DIP2B: variants seen among roughly 807,000 people sequenced by gnomAD.
The protein encoded by DIP2B is DIP2 acetate--CoA ligase B (putative).
A neutral mutation model predicts 198.0 loss-of-function variants in DIP2B; 76 were observed. That is an observed-to-expected ratio of 0.38 (90% CI 0.32 to 0.46). The LOEUF is 0.46. Ranked by LOEUF, DIP2B falls within the 20% of genes least tolerant of loss-of-function variation. The probability of loss-of-function intolerance (pLI) is 0.99; values close to 1 mark genes in which losing one functional copy is unlikely to be tolerated. For missense variants in DIP2B, 1,559 were observed against 1,978.4 expected (o/e 0.79, Z 4.02); for synonymous variants, 701 against 739.1 (o/e 0.95, Z 0.84).
chr12:50,694,824 A>G (rs1939282152), intron 14 of DIP2B, among the ~76,000 whole-genome samples: 1 of 152,162 alleles, frequency 6.6e-6, no homozygotes, highest in African/African-American at 2.4e-5. Context: ...TAATTGTGAT[A>G]TAGCCAAACA....
At chr12:50,729,920 G>A (rs556142359) in intron 30 of DIP2B, among the ~76,000 whole-genome samples, 26 of 151,882 alleles carry the variant, frequency 1.7e-4, no homozygotes, top group African/African-American at 5.8e-4. Context: ...ACAGCGTTTC[G>A]TCATGTTGCC....
At chr12:50,714,710 TG>T in intron 23 of DIP2B, 114 bp downstream of exon 23, 1 of 1,291,984 alleles carries the variant, frequency 7.7e-7, no homozygotes, top group Non-Finnish European at 1.1e-6. Context: ...GAGGCCAAGG[TG>T]GGAGGGTCGT....
intron 1 of DIP2B, among the ~76,000 whole-genome samples, chr12:50,537,198 CGA>C (rs1593589295): frequency 8.0e-6 from 1 of 125,266 alleles, no homozygotes; most frequent in East Asian, 2.8e-4. Context: ...TGAGCTCAAG[CGA>C]TCCACCTGCC....
intron 4 of DIP2B, among the ~76,000 whole-genome samples, chr12:50,666,437 A>G (rs1238469205): frequency 6.6e-6 from 1 of 152,174 alleles, no homozygotes; most frequent in Non-Finnish European, 1.5e-5. Flanking sequence ...TCTCCTAGAA[A>G]GATAGGGGAA....
chr12:50,690,701 TC>T, intron 12 of DIP2B, among the ~76,000 whole-genome samples: 1 of 152,342 alleles, frequency 6.6e-6, no homozygotes, highest in East Asian at 1.9e-4. Flanking sequence ...TACATACCTT[TC>T]ACTCTGCAGT....
intron 8 of DIP2B, chr12:50,680,370 T>C (rs1939020642): frequency 4.6e-6 from 1 of 215,082 alleles, no homozygotes; most frequent in Non-Finnish European, 9.1e-6. Flanking sequence ...TTGCATCAAA[T>C]TATTTCTAAG....
intron 1 of DIP2B, among the ~76,000 whole-genome samples, chr12:50,574,059 G>A (rs971997891): frequency 1.6e-4 from 24 of 152,096 alleles, no homozygotes; most frequent in Non-Finnish European, 4.4e-5. Context: ...TGTCTTTATT[G>A]TTGGTTGGTC....
chr12:50,630,440 A>G (rs1486583466), intron 2 of DIP2B, among the ~76,000 whole-genome samples: 2 of 151,684 alleles, frequency 1.3e-5, no homozygotes, highest in Non-Finnish European at 2.9e-5. Flanking sequence ...TTTGCTTTAT[A>G]TGTTTTAAAG....
At chr12:50,644,241 A>C (rs141905749) in intron 3 of DIP2B, among the ~76,000 whole-genome samples, 4 of 152,304 alleles carry the variant, frequency 2.6e-5, no homozygotes, top group African/African-American at 9.6e-5. Context: ...CTGCACATCC[A>C]GGCATGATTC....
chr12:50,578,476 CA>C (rs1958683206), intron 1 of DIP2B, among the ~76,000 whole-genome samples: 1 of 148,358 alleles, frequency 6.7e-6, no homozygotes, highest in Non-Finnish European at 1.5e-5. Context: ...AACAATATTT[CA>C]ATAATGATAT....
At chr12:50,743,991 T>A (rs957120149) in intron 37 of DIP2B, among the ~76,000 whole-genome samples, 5 of 152,198 alleles carry the variant, frequency 3.3e-5, no homozygotes, top group Admixed American at 3.3e-4. Context: ...TGTCACTGGT[T>A]CAAATGACCA....
intron 1 of DIP2B, among the ~76,000 whole-genome samples, chr12:50,581,302 A>T (rs1313141777): frequency 6.7e-6 from 1 of 149,482 alleles, no homozygotes; most frequent in Non-Finnish European, 1.5e-5. Context: ...AAAAATAGGC[A>T]GGCTTTTAAG....
chr12:50,562,654 G>A (rs1958529371), intron 1 of DIP2B, among the ~76,000 whole-genome samples: 2 of 151,750 alleles, frequency 1.3e-5, no homozygotes, highest in East Asian at 3.9e-4. Flanking sequence ...GATCATCTGA[G>A]CCTGGGGAAG....
At chr12:50,643,181 T>G (rs1938289252) in intron 3 of DIP2B, among the ~76,000 whole-genome samples, 1 of 152,232 alleles carries the variant, frequency 6.6e-6, no homozygotes, top group African/African-American at 2.4e-5. Context: ...AAAAGTTTTT[T>G]GTGAGCTCAT....
intron 23 of DIP2B, 81 bp from the exon 24 acceptor site, chr12:50,718,628 G>T: frequency 1.6e-6 from 2 of 1,235,416 alleles, no homozygotes; most frequent in South Asian, 1.3e-5. Flanking sequence ...ATTTGAACCA[G>T]TTTTGGTCAG....
chr12:50,701,558 A>G (rs1939417965), intron 19 of DIP2B, among the ~76,000 whole-genome samples: 1 of 151,846 alleles, frequency 6.6e-6, no homozygotes, highest in South Asian at 2.1e-4. Context: ...GTTTTTTTGT[A>G]TTTTTAGTAG....
chr12:50,674,614 A>G lies in DIP2B; in HGVS notation c.781A>G (p.Met261Val), dbSNP rs1938913256. ...MHKGSNRSSLMDTADGVPVSS... is the reference protein window; with the variant it reads ...MHKGSNRSSLVDTADGVPVSS... ...CAAAGGATCCAACAGGTCCAGCCTT[A>G]TGGATACAGCTGATGGTAAGGAGTT... Residue 261 changes from methionine to valine, a missense_variant, in exon 6 of 38, where the codon ATG (methionine) becomes GTG (valine). Transcript: ENST00000301180. 1.2e-6 allele frequency: 2 copies of G among 1,614,070 alleles called. No homozygotes were observed. The highest frequency in any genetic ancestry group is 1.7e-5 in the Admixed American group (1 of 60,004).
intron 7 of DIP2B, among the ~76,000 whole-genome samples, chr12:50,677,569 C>T (rs1938968839): frequency 6.6e-6 from 1 of 152,072 alleles, no homozygotes; most frequent in Admixed American, 6.6e-5. Flanking sequence ...GAGCCGAGAT[C>T]GCTCCACTGC....
At chr12:50,655,462 A>C (rs902094598) in intron 3 of DIP2B, among the ~76,000 whole-genome samples, 1 of 152,240 alleles carries the variant, frequency 6.6e-6, no homozygotes, top group African/African-American at 2.4e-5. Flanking sequence ...GGAACATGTT[A>C]ACTTTTAATC....
Sources: gnomAD v4.1 joint callset for allele counts (sites outside exome capture counted in the v4.1 genomes callset) on GRCh38, gnomAD v4.1.1 for gene constraint, MANE v1.5 for transcripts, NCBI Gene and HGNC (gene_info 2026-07-23, HGNC 2026-07-21) for gene names.